The following SCAPER variants were observed in gnomAD, a reference collection of about 807,000 sequenced individuals.
The protein encoded by SCAPER is S-phase cyclin A associated protein in the ER.
A neutral mutation model predicts 182.2 loss-of-function variants in SCAPER; 98 were observed. That is an observed-to-expected ratio of 0.54 (90% CI 0.46 to 0.64). SCAPER has a LOEUF of 0.64. Among genes scored for constraint, SCAPER ranks in the 30% least tolerant of loss-of-function variants. The pLI is 0.00. For synonymous variants in SCAPER, 605 were observed against 564.6 expected (o/e 1.07, Z -1.01); for missense variants, 1,432 against 1,690.0 (o/e 0.85, Z 2.68).
chr15:76,652,343 T>C lies in SCAPER; in HGVS notation c.2645+13310A>G, dbSNP rs868629688. Among the ~76,000 whole-genome samples, 24 of 12,236 alleles carry C rather than the reference T, an allele frequency of 2.0e-3. 1 individual carries two copies. The highest frequency in any genetic ancestry group is 0.026 in the Middle Eastern group (1 of 38). The allele number at this position is 12,236 out of a possible 152,430, so 8.0% of individuals were successfully genotyped here. A position where few individuals can be genotyped will look rare whatever the true frequency, so the allele number is the denominator to read the frequency against. On this transcript the variant is annotated intron_variant, in intron 21 of 31. Coordinates refer to ENST00000563290, the MANE Select transcript of SCAPER (RefSeq NM_020843.4). ...ACACACACACACACATACACATATA[T>C]ACACACACACACACACACACACACA...
At chr15:76,711,792 T>C (rs1031149844) in intron 17 of SCAPER, among the ~76,000 whole-genome samples, 2 of 152,178 alleles carry the variant, frequency 1.3e-5, no homozygotes, top group African/African-American at 4.8e-5. Flanking sequence ...TTGTTTGTTT[T>C]TTTCCTGTAA....
chr15:76,892,493 A>G (rs918414730), intron 1 of SCAPER, among the ~76,000 whole-genome samples: 2 of 152,240 alleles, frequency 1.3e-5, no homozygotes, highest in African/African-American at 4.8e-5. Flanking sequence ...AAACAACCCC[A>G]GCAAAAAGTG....
chr15:76,659,138 AC>A (rs1310331104), intron 21 of SCAPER, among the ~76,000 whole-genome samples: 2 of 152,212 alleles, frequency 1.3e-5, no homozygotes, highest in Non-Finnish European at 2.9e-5. Flanking sequence ...TAAACAGCCA[AC>A]CTACATACTG....
chr15:76,446,676 C>T (rs914658969), intron 25 of SCAPER, among the ~76,000 whole-genome samples: 10 of 152,194 alleles, frequency 6.6e-5, no homozygotes, highest in African/African-American at 2.4e-4. Context: ...GATTAACATT[C>T]TGGAGAACCC....
At chr15:76,633,129 G>C (rs561617776) in intron 21 of SCAPER, among the ~76,000 whole-genome samples, 38 of 152,176 alleles carry the variant, frequency 2.5e-4, no homozygotes, top group African/African-American at 8.2e-4. Flanking sequence ...CATTGATGTT[G>C]TTGTTGCTCT....
intron 14 of SCAPER, among the ~76,000 whole-genome samples, chr15:76,760,600 C>A (rs1305252998): frequency 6.6e-6 from 1 of 152,118 alleles, no homozygotes; most frequent in African/African-American, 2.4e-5. Flanking sequence ...GTTCTGGTAG[C>A]CAGCACCAAT....
At chr15:76,772,809 TACTC>T (rs1296951017) in intron 9 of SCAPER, among the ~76,000 whole-genome samples, 1 of 151,890 alleles carries the variant, frequency 6.6e-6, no homozygotes, top group Admixed American at 6.6e-5. Flanking sequence ...TTTCCAATGA[TACTC>T]TAAGTCAAAG....
intron 17 of SCAPER, among the ~76,000 whole-genome samples, chr15:76,722,174 A>G (rs1487334714): frequency 2.6e-5 from 4 of 152,142 alleles, no homozygotes; most frequent in South Asian, 4.1e-4. Flanking sequence ...TTCTGCATCT[A>G]TTGAGATAAT....
intron 29 of SCAPER, among the ~76,000 whole-genome samples, chr15:76,364,223 C>G (rs751362385): frequency 2.2e-4 from 33 of 152,152 alleles, no homozygotes; most frequent in Non-Finnish European, 4.7e-4. Context: ...TAGATGATTT[C>G]CAAACTGAGA....
intron 26 of SCAPER, among the ~76,000 whole-genome samples, chr15:76,428,810 A>T (rs954585341): frequency 6.8e-6 from 1 of 146,496 alleles, no homozygotes; most frequent in African/African-American, 2.5e-5. Context: ...TTCTTACCAC[A>T]AATGACAAAT....
intron 21 of SCAPER, among the ~76,000 whole-genome samples, chr15:76,626,296 T>C (rs974875277): frequency 4.6e-5 from 7 of 152,226 alleles, no homozygotes; most frequent in African/African-American, 1.7e-4. Flanking sequence ...CAATTAAATA[T>C]TTATTTCCAG....
intron 26 of SCAPER, among the ~76,000 whole-genome samples, chr15:76,423,348 A>C (rs1372965158): frequency 4.6e-5 from 7 of 151,968 alleles, no homozygotes; most frequent in Non-Finnish European, 1.0e-4. Flanking sequence ...TTAGTCTTGG[A>C]AGGCTGTATG....
chr15:76,640,393 G>A (rs995317835), intron 21 of SCAPER, among the ~76,000 whole-genome samples: 20 of 152,060 alleles, frequency 1.3e-4, no homozygotes, highest in South Asian at 6.2e-4. Context: ...TCAGTAAAAC[G>A]CTATTTACAA....
At chr15:76,745,521 A>C (rs1329411949) in intron 15 of SCAPER, among the ~76,000 whole-genome samples, 1 of 152,180 alleles carries the variant, frequency 6.6e-6, no homozygotes, top group Non-Finnish European at 1.5e-5. Flanking sequence ...CTAGGGTACA[A>C]TATATCCATG....
chr15:76,351,013 C>A, intron 31 of SCAPER: 1 of 407,624 alleles, frequency 2.5e-6, no homozygotes, highest in Non-Finnish European at 4.4e-6. Context: ...GATATTTGTG[C>A]TTTTCTTTTA....
chr15:76,800,191 A>G, intron 7 of SCAPER, 57 bp downstream of exon 7: 2 of 960,268 alleles, frequency 2.1e-6, no homozygotes, highest in Non-Finnish European at 3.2e-6. Flanking sequence ...TAATACTATA[A>G]TAACTAAGAA....
chr15:76,832,161 T>C (rs1348022172), intron 5 of SCAPER, among the ~76,000 whole-genome samples: 1 of 152,138 alleles, frequency 6.6e-6, no homozygotes, highest in Non-Finnish European at 1.5e-5. Flanking sequence ...ATGAAAGACC[T>C]ACAACTCAGA....
intron 6 of SCAPER, among the ~76,000 whole-genome samples, chr15:76,801,927 G>A (rs965991292): frequency 6.6e-6 from 1 of 151,754 alleles, no homozygotes; most frequent in African/African-American, 2.4e-5. Context: ...AAAAAAAAAG[G>A]GATGCCTCAG....
intron 5 of SCAPER, among the ~76,000 whole-genome samples, chr15:76,838,500 T>C (rs2069151660): frequency 1.3e-5 from 2 of 152,122 alleles, no homozygotes; most frequent in African/African-American, 4.8e-5. Context: ...CTCACATAGA[T>C]CATTAGATAT....
Sources: gnomAD v4.1 joint callset for allele counts (sites outside exome capture counted in the v4.1 genomes callset) on GRCh38, gnomAD v4.1.1 for gene constraint, MANE v1.5 for transcripts, NCBI Gene and HGNC (gene_info 2026-07-23, HGNC 2026-07-21) for gene names.